The following ANKDD1A variants were observed in gnomAD, a reference collection of about 807,000 sequenced individuals.
ANKDD1A encodes ankyrin repeat and death domain-containing protein 1A.
In ANKDD1A, 59 loss-of-function variants were observed where a neutral mutation model predicts 63.5. That is an observed-to-expected ratio of 0.93 (90% CI 0.75 to 1.15). The LOEUF is 1.15. ANKDD1A is among the 50% of genes most tolerant of loss of function. ANKDD1A has a pLI of 0.00. For synonymous variants in ANKDD1A, 266 were observed against 263.9 expected, an observed-to-expected ratio of 1.01 and a Z score of -0.08; for missense variants, 632 against 656.4, an observed-to-expected ratio of 0.96 and a Z score of 0.41.
chr15:64,945,580 G>A (rs976184630), intron 12 of ANKDD1A, among the ~76,000 whole-genome samples: 1 of 110,566 alleles, frequency 9.0e-6, no homozygotes, highest in Non-Finnish European at 1.7e-5. Flanking sequence ...ATGGTGTGTA[G>A]GTTAGAGGGA....
chr15:64,945,351 C>T (rs1310941418), intron 12 of ANKDD1A, among the ~76,000 whole-genome samples: 1 of 151,898 alleles, frequency 6.6e-6, no homozygotes, highest in East Asian at 1.9e-4. Flanking sequence ...TATGATTTTT[C>T]TACTTTATGA....
rs1291804425 is a variant in ANKDD1A, at chr15:64,930,894, G to A, written c.643G>A (p.Gly215Arg). The change falls in exon 7 of 15, where the codon GGG becomes AGG. Residue 215 changes from glycine to arginine, a missense_variant. Gly to Arg is a moderately radical substitution (Grantham distance 125). Transcript: ENST00000319580. ...MAVLQRLVDI[G>R]LDLEEQNAEG... ...TGTGCTGCAGCGACTTGTGGACATCGGGCTGGACCTGGAGGAGCAGAATGC... is the reference window on the plus strand; with the variant it reads ...TGTGCTGCAGCGACTTGTGGACATCAGGCTGGACCTGGAGGAGCAGAATGC... 31 of 1,612,442 alleles carry A rather than the reference G, an allele frequency of 1.9e-5. No homozygotes were observed. The highest frequency in any genetic ancestry group is 2.4e-5 in the Non-Finnish European group (28 of 1,179,992).
intron 14 of ANKDD1A, chr15:64,951,354 T>C (rs1406118548): frequency 9.9e-5 from 55 of 555,392 alleles, no homozygotes; most frequent in East Asian, 6.5e-4. Flanking sequence ...TTTCCTCTTC[T>C]TTCTTCTTCC....
At chr15:64,918,401 G>A (rs764086365) in intron 3 of ANKDD1A, among the ~76,000 whole-genome samples, 78 of 152,150 alleles carry the variant, frequency 5.1e-4, no homozygotes, top group South Asian at 8.3e-4. Context: ...TTGAGGTGAG[G>A]CAGCAACCCT....
chr15:64,952,245 ATTC>A (rs1023509740), intron 14 of ANKDD1A, among the ~76,000 whole-genome samples: 9 of 89,778 alleles, frequency 1.0e-4, no homozygotes, highest in Middle Eastern at 0.024. Context: ...TCTTCTTCTT[ATTC>A]TTCTCCTTCT....
intron 1 of ANKDD1A, among the ~76,000 whole-genome samples, chr15:64,914,823 C>T (rs1469487532): frequency 6.6e-6 from 1 of 152,110 alleles, no homozygotes; most frequent in African/African-American, 2.4e-5. Context: ...TGCAGTCTGA[C>T]CCTGAGCCCA....
chr15:64,958,485 A>AAGTC lies in ANKDD1A; in HGVS notation c.*1298_*1301dup, dbSNP rs1169707013. ...AAACCTAAAACTGTTCTAAAATAGA[A>AAGTC]AGTCTGTGAAAAAAAACAAAAGTAA... is the stretch of plus-strand genomic sequence containing the variant. On this transcript the variant is annotated 3_prime_UTR_variant, in exon 15 of 15. Coordinates refer to ENST00000319580, the MANE Select transcript of ANKDD1A (RefSeq NM_182703.6). The AAGTC allele has an allele frequency of 6.6e-6, 1 of 152,024 alleles. No homozygotes were observed. The highest frequency in any genetic ancestry group is 2.4e-5 in the African/African-American group (1 of 41,414). 9.4% of individuals were successfully genotyped at this position (152,024 alleles called of 1,614,324 possible). A position where few individuals can be genotyped will look rare whatever the true frequency, so the allele number is the denominator to read the frequency against.
chr15:64,912,076 T>C, intron 1 of ANKDD1A, 112 bp downstream of exon 1: 6 of 1,082,792 alleles, frequency 5.5e-6, no homozygotes, highest in Non-Finnish European at 7.1e-6. Context: ...CACCTCCGTG[T>C]GGGGCGTCTG....
rs2085193523 is a variant in ANKDD1A, at chr15:64,942,585, T to C, written c.966+20T>C. 6.2e-7 allele frequency: 1 copy of C among 1,601,364 alleles called. No homozygotes were observed. Among genetic ancestry groups the C allele is most frequent in the Non-Finnish European group, 8.5e-7 (1 of 1,172,762 alleles). On this transcript the variant is annotated intron_variant, in intron 10 of 14. Transcript: ENST00000319580. Reference sequence around the variant, plus strand: ...GACAATGTAAGTGGCTACAGAGACCTTCCGGGCCCCAGGGAGCTTCTGGAA... The same window carrying C: ...GACAATGTAAGTGGCTACAGAGACCCTCCGGGCCCCAGGGAGCTTCTGGAA...
At chr15:64,924,538 C>T (rs773827076) in intron 4 of ANKDD1A, among the ~76,000 whole-genome samples, 1 of 152,246 alleles carries the variant, frequency 6.6e-6, no homozygotes, top group East Asian at 1.9e-4. Flanking sequence ...ATGCCACAGG[C>T]CCAGTCCTGC....
At chr15:64,914,421 G>A (rs899085626) in intron 1 of ANKDD1A, among the ~76,000 whole-genome samples, 25 of 152,330 alleles carry the variant, frequency 1.6e-4, no homozygotes, top group African/African-American at 5.3e-4. Context: ...TTGAGTAGCC[G>A]GGACTACAGG....
rs1277861527 is a variant in ANKDD1A at position 64,945,607 on chromosome 15, C to CTTATATATATATATATATAT, written c.1161+860_1161+861insTTATATATATATATATATAT. 9.5e-3 allele frequency among the ~76,000 whole-genome samples: 701 copies of CTTATATATATATATATATAT among 73,822 alleles called. 61 individuals carry two copies. The highest frequency in any genetic ancestry group is 0.041 in the African/African-American group (657 of 16,162). The allele number at this position is 73,822 out of a possible 152,430, so 48.4% of individuals were successfully genotyped here. On this transcript the variant is annotated intron_variant, in intron 12 of 14. Transcript: ENST00000319580. Reference sequence around the variant, plus strand: ...TTAGAGGGATTAAATGCATTTTCAACATATATATATATATATATATATATG... The same window carrying CTTATATATATATATATATAT: ...TTAGAGGGATTAAATGCATTTTCAACTTATATATATATATATATATATATATATATATATATATATATATG...
At chr15:64,941,001 C>T (rs1164416011) in intron 9 of ANKDD1A, among the ~76,000 whole-genome samples, 1 of 152,184 alleles carries the variant, frequency 6.6e-6, no homozygotes, top group Non-Finnish European at 1.5e-5. Context: ...CCTTAGCCTC[C>T]CAAAGTACTG....
intron 6 of ANKDD1A, 134 bp from the exon 7 acceptor site, chr15:64,930,688 C>T (rs2085082629): frequency 1.3e-6 from 1 of 750,312 alleles, no homozygotes; most frequent in Non-Finnish European, 2.1e-6. Flanking sequence ...GAATCTGCCC[C>T]TGGTTATAGT....
At chr15:64,933,944 G>A (rs536249880) in intron 8 of ANKDD1A, among the ~76,000 whole-genome samples, 192 bp from the exon 9 acceptor site, 62 of 152,300 alleles carry the variant, frequency 4.1e-4, no homozygotes, top group Admixed American at 9.2e-4. Flanking sequence ...GGAAAAGACT[G>A]AGACCATAAT....
At chr15:64,950,642 G>T (rs2085261877) in intron 14 of ANKDD1A, 1 of 984,592 alleles carries the variant, frequency 1.0e-6, no homozygotes, top group Non-Finnish European at 1.2e-6. Flanking sequence ...TAGATATGAG[G>T]CAACAAAGAA....
At chr15:64,952,688 CCTT>C (rs1281421012) in intron 14 of ANKDD1A, among the ~76,000 whole-genome samples, 1 of 98,196 alleles carries the variant, frequency 1.0e-5, no homozygotes, top group Non-Finnish European at 2.1e-5. Flanking sequence ...TTCTTCCTCT[CCTT>C]TTTCTTCTTA....
intron 12 of ANKDD1A, among the ~76,000 whole-genome samples, chr15:64,945,607 CATATA>C (rs1489731811): frequency 1.4e-5 from 1 of 73,852 alleles, no homozygotes; most frequent in African/African-American, 6.2e-5. Context: ...GCATTTTCAA[CATATA>C]TATATATATA....
intron 12 of ANKDD1A, 54 bp downstream of exon 12, chr15:64,944,801 T>C (rs2140380595): frequency 6.3e-7 from 1 of 1,588,020 alleles, no homozygotes; most frequent in East Asian, 2.2e-5. Flanking sequence ...TGATTTTGGC[T>C]CCAGATGGAG....
Sources: allele counts gnomAD v4.1 joint callset (sites outside exome capture counted in the v4.1 genomes callset), GRCh38; gene constraint gnomAD v4.1.1; transcripts MANE v1.5; gene names NCBI Gene and HGNC (gene_info 2026-07-23, HGNC 2026-07-21).